The following MSR1 variants were observed in gnomAD, a reference collection of about 807,000 sequenced individuals.
MSR1 encodes the protein macrophage scavenger receptor 1.
In MSR1, 53 loss-of-function variants were observed where a neutral mutation model predicts 47.2. That is an observed-to-expected ratio of 1.12 (90% confidence interval 0.90 to 1.41). MSR1 has a LOEUF of 1.41. Ranked by LOEUF, MSR1 falls within the 40% of genes most tolerant of loss-of-function variation. The pLI, the probability that MSR1 is intolerant of heterozygous loss-of-function variation, is 0.00. For synonymous variants in MSR1, 239 were observed against 185.6 expected (o/e 1.29, Z -2.34); for missense variants, 786 against 546.9 (o/e 1.44, Z -4.36).
At chr8:16,186,204 C>A in intron 1 of MSR1, 1 of 1,535,334 alleles carries the variant, frequency 6.5e-7, no homozygotes, top group Non-Finnish European at 8.7e-7. Flanking sequence ...ACTGAGATAG[C>A]ACATCCAGGG....
At chr8:16,112,455 G>GA (rs1444436228) in intron 9 of MSR1, among the ~76,000 whole-genome samples, 5 of 152,050 alleles carry the variant, frequency 3.3e-5, no homozygotes, top group African/African-American at 9.7e-5. Flanking sequence ...TAGATGTCTA[G>GA]ATAGAATTAT....
intron 8 of MSR1, among the ~76,000 whole-genome samples, chr8:16,129,490 A>G (rs1563143135): frequency 1.3e-5 from 2 of 152,088 alleles, no homozygotes; most frequent in African/African-American, 4.8e-5. Flanking sequence ...TTATGTCTGT[A>G]ACCCCAGCAC....
chr8:16,156,847 A>G (rs1388696823), intron 5 of MSR1, among the ~76,000 whole-genome samples: 2 of 151,946 alleles, frequency 1.3e-5, no homozygotes, highest in Admixed American at 6.6e-5. Flanking sequence ...AGATTTCTGT[A>G]TCAAAGGGAA....
At chr8:16,187,144 C>A (rs1055248429) in intron 1 of MSR1, among the ~76,000 whole-genome samples, 6 of 151,652 alleles carry the variant, frequency 4.0e-5, no homozygotes, top group African/African-American at 1.5e-4. Context: ...GGGTGGATCA[C>A]CTGAGGTCAG....
At chr8:16,122,339 G>A (rs1017955622) in intron 8 of MSR1, among the ~76,000 whole-genome samples, 1 of 152,084 alleles carries the variant, frequency 6.6e-6, no homozygotes, top group Non-Finnish European at 1.5e-5. Context: ...ACATATTAGA[G>A]ACATGTTTTA....
chr8:16,180,660 G>A (rs1176451068), intron 1 of MSR1, among the ~76,000 whole-genome samples: 1 of 152,154 alleles, frequency 6.6e-6, no homozygotes, highest in Admixed American at 6.6e-5. Context: ...GTCAAATCCA[G>A]CTCAGGAAAT....
chr8:16,174,110 T>C (rs1410203904), intron 3 of MSR1, among the ~76,000 whole-genome samples: 1 of 152,230 alleles, frequency 6.6e-6, no homozygotes, highest in Non-Finnish European at 1.5e-5. Flanking sequence ...TGAGAATAAT[T>C]ACAGTCTCTG....
intron 1 of MSR1, among the ~76,000 whole-genome samples, chr8:16,188,573 C>A (rs959929561): frequency 6.6e-6 from 1 of 151,846 alleles, no homozygotes; most frequent in Non-Finnish European, 1.5e-5. Flanking sequence ...ATACATATGC[C>A]ATGGTGGTTT....
intron 8 of MSR1, among the ~76,000 whole-genome samples, chr8:16,122,894 GAGTGT>G (rs148070409): frequency 0.024 from 3,458 of 143,042 alleles, 79 homozygotes; most frequent in Middle Eastern, 0.081. Flanking sequence ...TCCCAGGCTG[GAGTGT>G]AGTGGCGCGA....
chr8:16,174,094 G>T (rs1024628224), intron 3 of MSR1, among the ~76,000 whole-genome samples: 1 of 152,096 alleles, frequency 6.6e-6, no homozygotes, highest in Non-Finnish European at 1.5e-5. Context: ...TTTCTTATGT[G>T]GATAATGAGA....
At chr8:16,155,371 T>G (rs570413163) in intron 5 of MSR1, among the ~76,000 whole-genome samples, 1 of 151,996 alleles carries the variant, frequency 6.6e-6, no homozygotes, top group South Asian at 2.1e-4. Context: ...AACCTAACAG[T>G]ATATTAAATG....
At chr8:16,149,889 G>C (rs945068960) in intron 7 of MSR1, among the ~76,000 whole-genome samples, 8 of 151,396 alleles carry the variant, frequency 5.3e-5, no homozygotes, top group African/African-American at 1.9e-4. Flanking sequence ...CATTGTTAGT[G>C]ATGATTTATG....
chr8:16,192,352 T>C (rs1013244380), intron 1 of MSR1, among the ~76,000 whole-genome samples: 1 of 152,188 alleles, frequency 6.6e-6, no homozygotes, highest in African/African-American at 2.4e-5. Context: ...GTATTTCATA[T>C]GTACTTGTGA....
chr8:16,168,453 C>A lies in MSR1; in HGVS notation c.630+5G>T. The A allele has an allele frequency of 6.2e-7, 1 of 1,614,040 alleles. No homozygotes were observed. The highest frequency in any genetic ancestry group is 1.1e-5 in the South Asian group (1 of 91,030). On this transcript the variant is annotated splice_donor_5th_base_variant and intron_variant, in intron 4 of 9. Coordinates refer to ENST00000262101, the MANE Select transcript of MSR1 (RefSeq NM_138715.3). Reference sequence around the variant, plus strand: ...CAAGTGACCTTGCAGTCCACAAACTCTTACCTCTTGTTGTTTGAAGGTATT... The same window carrying A: ...CAAGTGACCTTGCAGTCCACAAACTATTACCTCTTGTTGTTTGAAGGTATT...
rs553984563 is a variant in MSR1, at chr8:16,109,796, C to T, written c.*289G>A. On this transcript the variant is annotated 3_prime_UTR_variant, in exon 10 of 10. Transcript: ENST00000262101. ...CAATTACTGGTATGCATTTCTATTA[C>T]CCTTGGCCTTTGTAATCTGGAAGCT... is the stretch of plus-strand genomic sequence containing the variant. 7.1e-4 allele frequency: 286 copies of T among 400,460 alleles called. 2 individuals are homozygous for T. The highest frequency in any genetic ancestry group is 1.7e-3 in the African/African-American group (84 of 49,462). 24.8% of individuals were successfully genotyped at this position (400,460 alleles called of 1,614,324 possible). A position where few individuals can be genotyped will look rare whatever the true frequency, so the allele number is the denominator to read the frequency against.
In MSR1 at chr8:16,178,036, G is replaced by C. The variant is rs756855530; in HGVS notation, c.-4-44C>G. On this transcript the variant is annotated intron_variant, in intron 1 of 9. Transcript: ENST00000262101. ...AAATATATTAATTCCACATGAAATG[G>C]CTAGGGCTCTTTTGCATAATGTTTT... The C allele has an allele frequency of 1.5e-5, 21 of 1,437,250 alleles. No homozygotes were observed. In the South Asian group the frequency reaches 2.3e-4, roughly 16 times the overall value. The allele number at this position is 1,437,250 out of a possible 1,614,324, so 89.0% of individuals were successfully genotyped here.
chr8:16,140,639 T>C, intron 8 of MSR1: 1 of 1,185,820 alleles, frequency 8.4e-7, no homozygotes. Flanking sequence ...GCAGTTCTCC[T>C]AGAACCCAAT....
intron 7 of MSR1, among the ~76,000 whole-genome samples, chr8:16,147,809 T>C (rs1321475262): frequency 6.6e-6 from 1 of 152,158 alleles, no homozygotes; most frequent in Non-Finnish European, 1.5e-5. Flanking sequence ...GTCAAGGGAC[T>C]TATTACCTCT....
In MSR1 at chr8:16,120,579, C is replaced by A. The variant is rs200800859; in HGVS notation, c.1061G>T (p.Gly354Val). ...LTPFTKVRLV[G>V]GSGPHEGRVE... ...CCTCCCCTCGTGAGGGCCGCTCCCA[C>A]CGACCAGTCGAACTTTCGTAAATGG... The change falls in exon 9 of 10, where the codon GGT becomes GTT. Residue 354 changes from glycine (G) to valine (V), a missense_variant. Transcript: ENST00000262101. 6.2e-7 allele frequency: 1 copy of A among 1,606,022 alleles called. No individual in the cohort carries two copies. The highest frequency in any genetic ancestry group is 2.2e-5 in the East Asian group (1 of 44,564).
Sources: gnomAD v4.1 joint callset for allele counts (sites outside exome capture counted in the v4.1 genomes callset) on GRCh38, gnomAD v4.1.1 for gene constraint, MANE v1.5 for transcripts, NCBI Gene and HGNC (gene_info 2026-07-23, HGNC 2026-07-21) for gene names.